The following PCCA variants were observed in gnomAD, a reference collection of about 807,000 sequenced individuals.
PCCA encodes the protein propionyl-CoA carboxylase alpha chain, mitochondrial.
A neutral mutation model predicts 101.3 loss-of-function variants in PCCA; 74 were observed. The observed-to-expected ratio is 0.73, with a 90% CI of 0.61 to 0.89. PCCA has a LOEUF of 0.89. Ranked by LOEUF, PCCA falls within the 40% of genes least tolerant of loss-of-function variation. The pLI is 0.00. For synonymous variants in PCCA, 294 were observed against 313.6 expected (o/e 0.94, Z 0.66); for missense variants, 891 against 907.0 (o/e 0.98, Z 0.23).
chr13:100,308,068 TG>T (rs1413522285), intron 15 of PCCA, among the ~76,000 whole-genome samples: 2 of 152,158 alleles, frequency 1.3e-5, no homozygotes, highest in African/African-American at 4.8e-5. Context: ...TTAGCCAGGA[TG>T]GTCTCCATCT....
intron 4 of PCCA, among the ~76,000 whole-genome samples, chr13:100,114,851 A>C (rs1209139992): frequency 6.6e-6 from 1 of 152,170 alleles, no homozygotes; most frequent in Non-Finnish European, 1.5e-5. Flanking sequence ...CAACCACTAT[A>C]AAGAACAGTA....
chr13:100,427,948 T>C lies in PCCA; in HGVS notation c.1845+2217T>C, dbSNP rs190372340. ...AGTACAGATATGAACTTCTTTGATC[T>C]TCACAATTGTATGAAGTAGGTGCTA... On this transcript the variant is annotated intron_variant, in intron 20 of 23. Transcript: ENST00000376285. Among the ~76,000 whole-genome samples the C allele has an allele frequency of 5.3e-3, 802 of 152,324 alleles. 3 individuals carry two copies. The highest frequency in any genetic ancestry group is 0.048 in the Middle Eastern group (14 of 294).
chr13:100,325,491 A>C lies in PCCA; in HGVS notation c.1430-5070A>C, dbSNP rs75094119. Among the ~76,000 whole-genome samples the C allele has an allele frequency of 8.2e-3, 1,243 of 152,328 alleles. 14 individuals are homozygous for C. The highest frequency in any genetic ancestry group is 0.028 in the African/African-American group (1,159 of 41,576). ...AAGAAAATCATTGAAGAGAAAGGAT[A>C]TCTGCTGAACAGGTTTTTAATGCAG... is the stretch of plus-strand genomic sequence containing the variant. On this transcript the variant is annotated intron_variant, in intron 16 of 23. Coordinates refer to ENST00000376285, the MANE Select transcript of PCCA (RefSeq NM_000282.4).
chr13:100,092,721 G>A (rs1044168233), intron 1 of PCCA, among the ~76,000 whole-genome samples: 31 of 152,138 alleles, frequency 2.0e-4, no homozygotes, highest in African/African-American at 7.5e-4. Context: ...AAATTTGAAT[G>A]TTTAAGCCCT....
chr13:100,167,105 G>T (rs867187122), intron 6 of PCCA, among the ~76,000 whole-genome samples: 2 of 152,094 alleles, frequency 1.3e-5, no homozygotes, highest in Admixed American at 1.3e-4. Flanking sequence ...AAAATCTTTT[G>T]TCTGGTACAT....
intron 18 of PCCA, among the ~76,000 whole-genome samples, chr13:100,345,645 T>A (rs765910017): frequency 4.6e-5 from 7 of 152,218 alleles, no homozygotes; most frequent in Non-Finnish European, 5.9e-5. Context: ...TGAAGGTGGC[T>A]ACACTGAACA....
rs1595943103 is a variant in PCCA at position 100,449,519 on chromosome 13, CTG to C, written c.1899+218_1899+219del. On this transcript the variant is annotated intron_variant, in intron 21 of 23. Coordinates refer to ENST00000376285, the MANE Select transcript of PCCA (RefSeq NM_000282.4). ...TTATCTTTTTTGAGACAGAGTCTCA[CTG>C]TGTTGCCCATGCTGGAGTATAGGGG... Among the ~76,000 whole-genome samples the C allele has an allele frequency of 2.0e-5, 3 of 152,190 alleles. No individual in the cohort carries two copies. In the East Asian group the frequency reaches 5.8e-4, roughly 29 times the overall value.
chr13:100,413,275 A>G (rs545358397), intron 19 of PCCA, among the ~76,000 whole-genome samples: 120 of 152,216 alleles, frequency 7.9e-4, no homozygotes, highest in Non-Finnish European at 1.5e-3. Flanking sequence ...GAATTAGGCA[A>G]AGGAAATACG....
At chr13:100,481,960 A>T (rs1002055292) in intron 21 of PCCA, among the ~76,000 whole-genome samples, 1 of 152,194 alleles carries the variant, frequency 6.6e-6, no homozygotes, top group Non-Finnish European at 1.5e-5. Context: ...CAAAACCATA[A>T]ATTTGCAGAA....
At position 100,257,666 on chromosome 13, in the gene PCCA, G is replaced by A. The variant is rs770371734; in HGVS notation, c.709G>A (p.Glu237Lys). 1.8e-5 allele frequency: 29 copies of A among 1,610,826 alleles called. No homozygotes were observed. Among genetic ancestry groups the A allele is most frequent in the Admixed American group, 5.0e-5 (3 of 59,966 alleles). Residue 237 changes from glutamate to lysine, a missense_variant, in exon 9 of 24, where the codon GAG becomes AAG. Glu to Lys is a moderately conservative substitution (Grantham distance 56). Coordinates refer to ENST00000376285, the MANE Select transcript of PCCA (RefSeq NM_000282.4). ...CATGCGCATTGCTTGGGATGATGAA[G>A]AGACCAGGTGAGAGGCTGTCCAAAA... ...KGMRIAWDDE[E>K]TRDGFRLSSQ...
chr13:100,400,983 C>T (rs1000683875), intron 19 of PCCA, among the ~76,000 whole-genome samples: 1 of 151,754 alleles, frequency 6.6e-6, no homozygotes, highest in African/African-American at 2.4e-5. Context: ...GAAAGACTTT[C>T]CAAAAAGAAA....
At chr13:100,200,824 T>C (rs1286495137) in intron 6 of PCCA, among the ~76,000 whole-genome samples, 1 of 151,948 alleles carries the variant, frequency 6.6e-6, no homozygotes, top group Non-Finnish European at 1.5e-5. Context: ...TATAGAAGTA[T>C]AATTAAATAA....
chr13:100,315,562 A>G (rs560832579), intron 16 of PCCA, among the ~76,000 whole-genome samples: 3 of 152,218 alleles, frequency 2.0e-5, no homozygotes, highest in Non-Finnish European at 4.4e-5. Context: ...GTTAAGATAG[A>G]GAAACTTTGA....
At chr13:100,166,911 T>C (rs1056094410) in intron 6 of PCCA, among the ~76,000 whole-genome samples, 2 of 152,216 alleles carry the variant, frequency 1.3e-5, no homozygotes, top group Admixed American at 1.3e-4. Flanking sequence ...TACCACCCTT[T>C]AAATTTAACT....
rs935224921 is a variant in PCCA at position 100,340,094 on chromosome 13, G to GA, written c.1541-62dup. 6.6e-6 allele frequency: 6 copies of GA among 903,704 alleles called. No homozygotes were observed. In the Admixed American group the frequency reaches 1.0e-4, roughly 15 times the overall value. 56.0% of individuals were successfully genotyped at this position (903,704 alleles called of 1,614,324 possible). On this transcript the variant is annotated intron_variant, in intron 17 of 23. Transcript: ENST00000376285. ...GTTTGAATGACTAGTAATTCTATAG[G>GA]AGAGAAGCACAGATGTTAAAATAAA...
chr13:100,528,863 A>G (rs2088108401), intron 23 of PCCA, among the ~76,000 whole-genome samples: 1 of 152,214 alleles, frequency 6.6e-6, no homozygotes, highest in Admixed American at 6.5e-5. Flanking sequence ...TAGTATCACG[A>G]CATCCATCCA....
chr13:100,489,748 T>C (rs760384172), intron 21 of PCCA, among the ~76,000 whole-genome samples: 2 of 149,334 alleles, frequency 1.3e-5, no homozygotes, highest in Non-Finnish European at 3.0e-5. Context: ...GGGTAACGTT[T>C]ATTAATGAGA....
chr13:100,463,423 C>T (rs767935282), intron 21 of PCCA, among the ~76,000 whole-genome samples: 9 of 147,208 alleles, frequency 6.1e-5, no homozygotes, highest in Non-Finnish European at 1.0e-4. Flanking sequence ...CTTTAGAATC[C>T]AGTGTACAAT....
intron 7 of PCCA, among the ~76,000 whole-genome samples, chr13:100,228,640 G>T (rs988981528): frequency 6.6e-6 from 1 of 151,912 alleles, no homozygotes; most frequent in East Asian, 1.9e-4. Flanking sequence ...GCTCACTCCT[G>T]TAATCCTAGC....
Sources: gnomAD v4.1 joint callset for allele counts (sites outside exome capture counted in the v4.1 genomes callset) on GRCh38, gnomAD v4.1.1 for gene constraint, MANE v1.5 for transcripts, NCBI Gene and HGNC (gene_info 2026-07-23, HGNC 2026-07-21) for gene names.